FGF14: variants seen among roughly 807,000 people sequenced by gnomAD.
The protein encoded by FGF14 is fibroblast growth factor 14, also known as fibroblast growth factor homologous factor 4.
FGF14 carries 5 observed loss-of-function variants against 25.5 expected under a neutral mutation model. The ratio of observed to expected loss-of-function variants is 0.20; its 90% CI spans 0.10 to 0.41. The LOEUF (loss-of-function observed/expected upper bound fraction) is 0.41. FGF14 is among the 10% of genes least tolerant of loss of function. The probability of loss-of-function intolerance (pLI) is 1.00; values close to 1 mark genes in which losing one functional copy is unlikely to be tolerated. For synonymous variants in FGF14, 138 were observed against 118.3 expected (o/e 1.17, Z -1.08); for missense variants, 222 against 320.1 (o/e 0.69, Z 2.34).
chr13:101,851,103 C>T (rs1031003431), intron 3 of FGF14, among the ~76,000 whole-genome samples: 3 of 151,996 alleles, frequency 2.0e-5, no homozygotes, highest in Admixed American at 2.0e-4. Flanking sequence ...CCGTGCTTGA[C>T]ACTTAGCACT....
At chr13:102,391,938 A>G (rs900712391) in intron 1 of FGF14, among the ~76,000 whole-genome samples, 2 of 152,236 alleles carry the variant, frequency 1.3e-5, no homozygotes, top group African/African-American at 4.8e-5. Context: ...GTGGCTGTTG[A>G]AACAAAAAGG....
At chr13:102,242,582 T>A (rs1159322121) in intron 1 of FGF14, among the ~76,000 whole-genome samples, 1 of 152,080 alleles carries the variant, frequency 6.6e-6, no homozygotes, top group Non-Finnish European at 1.5e-5. Context: ...GAGCCCACTC[T>A]CATGATAACA....
At chr13:101,977,078 A>C (rs2139583622) in intron 1 of FGF14, among the ~76,000 whole-genome samples, 1 of 152,300 alleles carries the variant, frequency 6.6e-6, no homozygotes, top group South Asian at 2.1e-4. Context: ...TAACACAGAA[A>C]GGTATATAAA....
chr13:102,338,674 G>A (rs190163392), intron 1 of FGF14, among the ~76,000 whole-genome samples: 98 of 152,196 alleles, frequency 6.4e-4, no homozygotes, highest in African/African-American at 2.3e-3. Flanking sequence ...ATGTGATGTT[G>A]TGCCCATGAA....
rs187078914 is a variant in FGF14 at position 101,751,877 on chromosome 13, T to A, written c.409-25067A>T. Among the ~76,000 whole-genome samples, 48 of 141,172 alleles carry A rather than the reference T, an allele frequency of 3.4e-4. 1 individual carries two copies. In the East Asian group the frequency reaches 8.4e-3, roughly 25 times the overall value. 92.6% of individuals were successfully genotyped at this position (141,172 alleles called of 152,430 possible). ...TCCCTAATGTTATATATAAAAAAAA[T>A]AATGCTGAGATGTGGAAACCTTCTC... On this transcript the variant is annotated intron_variant, in intron 3 of 4. Coordinates refer to ENST00000376143, the MANE Select transcript of FGF14 (RefSeq NM_004115.4).
At chr13:102,203,657 A>C (rs1188591187) in intron 1 of FGF14, among the ~76,000 whole-genome samples, 1 of 152,200 alleles carries the variant, frequency 6.6e-6, no homozygotes, top group African/African-American at 2.4e-5. Context: ...AGGAAAAATA[A>C]AATTTTATTG....
chr13:101,879,861 A>T (rs1305730179), intron 1 of FGF14, among the ~76,000 whole-genome samples: 1 of 152,192 alleles, frequency 6.6e-6, no homozygotes. Context: ...AGTAGCAGAA[A>T]ATAGTATTTG....
At chr13:102,090,292 A>G (rs9518621) in intron 1 of FGF14, among the ~76,000 whole-genome samples, 59,205 of 152,074 alleles carry the variant, frequency 0.39, 13,535 homozygotes, top group Non-Finnish European at 0.51. Flanking sequence ...ACTACTTGCA[A>G]AAATAATCTC....
At chr13:102,230,014 A>C (rs9585877) in intron 1 of FGF14, among the ~76,000 whole-genome samples, 1 of 152,162 alleles carries the variant, frequency 6.6e-6, no homozygotes, top group African/African-American at 2.4e-5. Context: ...TCCAAAATTT[A>C]CGTATTGCAA....
At chr13:102,368,899 C>T (rs1270117562) in intron 1 of FGF14, among the ~76,000 whole-genome samples, 1 of 152,118 alleles carries the variant, frequency 6.6e-6, no homozygotes. Flanking sequence ...TATAATGGAT[C>T]CTTTGGACCT....
intron 1 of FGF14, among the ~76,000 whole-genome samples, chr13:102,125,076 T>C (rs963856393): frequency 6.6e-6 from 1 of 152,114 alleles, no homozygotes; most frequent in East Asian, 1.9e-4. Flanking sequence ...TTTTTGTTTA[T>C]CTCTTTTGAA....
chr13:101,747,738 T>C (rs566634455), intron 3 of FGF14, among the ~76,000 whole-genome samples: 2 of 151,860 alleles, frequency 1.3e-5, no homozygotes, highest in South Asian at 4.2e-4. Flanking sequence ...CAACAAAAGA[T>C]TAACATGCAG....
At chr13:101,771,730 C>T (rs1237410728) in intron 3 of FGF14, among the ~76,000 whole-genome samples, 1 of 151,964 alleles carries the variant, frequency 6.6e-6, no homozygotes, top group East Asian at 1.9e-4. Context: ...GTTTTTTCAA[C>T]TTGAGTTGTG....
intron 3 of FGF14, among the ~76,000 whole-genome samples, chr13:101,808,858 A>G (rs1261983225): frequency 6.6e-6 from 1 of 152,172 alleles, no homozygotes; most frequent in African/African-American, 2.4e-5. Context: ...AATATAGAAA[A>G]CAATCATAAA....
At chr13:102,383,236 A>G (rs2058226697) in intron 1 of FGF14, among the ~76,000 whole-genome samples, 1 of 152,164 alleles carries the variant, frequency 6.6e-6, no homozygotes, top group South Asian at 2.1e-4. Context: ...AATATGTTAT[A>G]AAAATAATTG....
rs1012362243 is a variant in FGF14, at chr13:101,820,390, T to C, written c.408+48335A>G. Among the ~76,000 whole-genome samples the C allele has an allele frequency of 3.9e-5, 6 of 152,182 alleles. No homozygotes were observed. In the East Asian group the frequency reaches 1.2e-3, roughly 29 times the overall value. The stretch of plus-strand genomic sequence containing the variant: ...AAACAGATTAAAATAAAATAAACGT[T>C]GGCTGATAACAAAATTAAAATTGTG... On this transcript the variant is annotated intron_variant, in intron 3 of 4. Transcript: ENST00000376143.
chr13:102,401,618 T>C, exon 1 of FGF14: 1 of 1,614,126 alleles, frequency 6.2e-7, no homozygotes, highest in Non-Finnish European at 8.5e-7. Flanking sequence ...AAGAGATCCT[T>C]GTGGTTGCAT....
Position 102,189,029 on chromosome 13 carries a change from A to T in FGF14, c.208+212442T>A, listed in dbSNP as rs1280165476. 5.9e-3 allele frequency among the ~76,000 whole-genome samples: 441 copies of T among 74,266 alleles called. 3 individuals are homozygous for T. The highest frequency in any genetic ancestry group is 0.01 in the Non-Finnish European group (347 of 33,806). The allele number at this position is 74,266 out of a possible 152,430, so 48.7% of individuals were successfully genotyped here. ...GAAAGAGAAAGAATGAAAGAAGAAA[A>T]GAAAGAAAGAAAGAGAAAGAATGAA... is the stretch of plus-strand genomic sequence containing the variant. On this transcript the variant is annotated intron_variant, in intron 1 of 4. Coordinates refer to the FGF14 transcript ENST00000376131.
At chr13:102,227,903 T>C (rs1211405672) in intron 1 of FGF14, among the ~76,000 whole-genome samples, 3 of 152,108 alleles carry the variant, frequency 2.0e-5, no homozygotes, top group Non-Finnish European at 4.4e-5. Context: ...CCCGCCTTTG[T>C]TTTACATCAT....
Sources: gnomAD v4.1 joint callset for allele counts (sites outside exome capture counted in the v4.1 genomes callset) on GRCh38, gnomAD v4.1.1 for gene constraint, MANE v1.5 for transcripts, NCBI Gene and HGNC (gene_info 2026-07-23, HGNC 2026-07-21) for gene names.